Variants in DMD observed in about 807,000 individuals in gnomAD.
The protein encoded by DMD is dystrophin, also known as mutant dystrophin.
In DMD, 63 loss-of-function variants were observed where a neutral mutation model predicts 330.1. The ratio of observed to expected loss-of-function variants is 0.19; its 90% CI spans 0.16 to 0.24. The LOEUF is 0.24. Ranked by LOEUF, DMD falls within the 10% of genes least tolerant of loss-of-function variation. The pLI is 1.00. For synonymous variants in DMD, 1,223 were observed against 959.8 expected (o/e 1.27, Z -5.07); for missense variants, 3,344 against 2,684.1 (o/e 1.25, Z -5.43).
chrX:32,572,032 C>T (rs1021552009), intron 15 of DMD, among the ~76,000 whole-genome samples: 34 of 112,059 alleles, frequency 3.0e-4, no homozygotes, highest in African/African-American at 1.1e-3. Flanking sequence ...ACTACAAATA[C>T]AGCTGATATT....
chrX:33,194,111 T>C (rs192075948), intron 1 of DMD, among the ~76,000 whole-genome samples: 126 of 111,426 alleles, frequency 1.1e-3, no homozygotes, highest in African/African-American at 3.8e-3. Flanking sequence ...AAACCAATTA[T>C]ATGTATATTA....
In DMD at chrX:32,809,567, G is replaced by T; in HGVS notation, c.575C>A (p.Ala192Asp). 1 of 1,210,693 alleles carries T rather than the reference G, an allele frequency of 8.3e-7. No homozygotes were observed. ...GAATGCATGTTCCAGTCGTTGTGTG[G>T]CTGACTGCTGGCAAACCACACTATT... is the stretch of plus-strand genomic sequence containing the variant. ...DWNSVVCQQS[A>D]TQRLEHAFNI... The change falls in exon 7 of 79, where the codon GCC (alanine) becomes GAC (aspartate). Residue 192 changes from alanine (A) to aspartate (D), a missense_variant. Transcript: ENST00000357033.
intron 44 of DMD, among the ~76,000 whole-genome samples, chrX:32,198,756 G>A (rs143357428): frequency 0.021 from 2,356 of 111,758 alleles, 58 homozygotes; most frequent in African/African-American, 0.073. Flanking sequence ...TCACTGTGCT[G>A]ATAGGTGGTA....
chrX:32,141,583 G>T (rs2096753469), intron 44 of DMD, among the ~76,000 whole-genome samples: 1 of 110,917 alleles, frequency 9.0e-6, no homozygotes, highest in African/African-American at 3.3e-5. Flanking sequence ...TTTGCTCTCT[G>T]TGCCTCCTAA....
At chrX:32,736,157 A>G (rs1426744687) in intron 7 of DMD, among the ~76,000 whole-genome samples, 1 of 112,571 alleles carries the variant, frequency 8.9e-6, no homozygotes, top group Non-Finnish European at 1.9e-5. Context: ...CAAAAGACAC[A>G]TGAAAAAATG....
chrX:32,907,932 C>G (rs1243987039), intron 2 of DMD, among the ~76,000 whole-genome samples: 1 of 110,507 alleles, frequency 9.0e-6, no homozygotes, highest in Non-Finnish European at 1.9e-5. Flanking sequence ...CTGTTAAACA[C>G]AAAATCAGGT....
rs57052299 is a variant in DMD at position 32,657,011 on chromosome X, A to ATGTGTG, written c.961-11865_961-11860dup. Among the ~76,000 whole-genome samples, 518 of 100,778 alleles carry ATGTGTG rather than the reference A, an allele frequency of 5.1e-3. 2 individuals are homozygous for ATGTGTG. Among genetic ancestry groups the ATGTGTG allele is most frequent in the Non-Finnish European group, 8.7e-3 (433 of 49,961 alleles). 87.5% of individuals were successfully genotyped at this position (100,778 alleles called of 115,157 possible). A position where few individuals can be genotyped will look rare whatever the true frequency, so the allele number is the denominator to read the frequency against. ...ATACATATATAGTATACCAACTTAT[A>ATGTGTG]TGTGTGTGTGTGTGTGTGTGTGTGT... On this transcript the variant is annotated intron_variant, in intron 9 of 78. Transcript: ENST00000357033.
At chrX:32,513,931 C>T (rs1283072138) in intron 18 of DMD, among the ~76,000 whole-genome samples, 1 of 111,058 alleles carries the variant, frequency 9.0e-6, no homozygotes, top group Non-Finnish European at 1.9e-5. Context: ...ATAAGCCAAG[C>T]GAGGAAAGAA....
intron 47 of DMD, among the ~76,000 whole-genome samples, chrX:31,879,554 C>T (rs780703167): frequency 8.9e-5 from 10 of 112,157 alleles, no homozygotes; most frequent in African/African-American, 3.2e-4. Context: ...AGAAATTACA[C>T]TTTGCATATT....
intron 53 of DMD, among the ~76,000 whole-genome samples, chrX:31,673,361 C>T (rs996829842): frequency 8.0e-5 from 9 of 112,146 alleles, no homozygotes; most frequent in African/African-American, 2.9e-4. Flanking sequence ...CGCCTGTATC[C>T]CAGCACTTTG....
chrX:32,230,229 T>TTTTTGTTTTG (rs748462548), intron 43 of DMD, among the ~76,000 whole-genome samples: 61 of 111,680 alleles, frequency 5.5e-4, no homozygotes, highest in African/African-American at 1.9e-3. Flanking sequence ...AACATGGTTT[T>TTTTTGTTTTG]TTTTGTTTTG....
chrX:32,795,722 G>C (rs751090547), intron 7 of DMD, among the ~76,000 whole-genome samples: 3 of 111,961 alleles, frequency 2.7e-5, no homozygotes, highest in African/African-American at 9.7e-5. Context: ...TCAGACAAGA[G>C]ACTAATATCT....
intron 7 of DMD, among the ~76,000 whole-genome samples, chrX:32,721,571 T>C (rs1298356603): frequency 9.0e-6 from 1 of 111,120 alleles, no homozygotes; most frequent in Non-Finnish European, 1.9e-5. Flanking sequence ...CACTATGGAA[T>C]TGTGCAAGTT....
At chrX:31,508,135 A>G in intron 55 of DMD, 2 of 849,838 alleles carry the variant, frequency 2.4e-6, no homozygotes, top group Non-Finnish European at 1.7e-6. Context: ...AAGAGTTATG[A>G]TAAGAGGTTA....
In DMD at chrX:31,571,748, A is replaced by G. The variant is rs750908966; in HGVS notation, c.8217+55925T>C. ...TTTGTTGTGGGGGGCTGTCTTGTGCATTACAACATGTTGAGCAGCATCCCT... is the reference window on the plus strand; with the variant it reads ...TTTGTTGTGGGGGGCTGTCTTGTGCGTTACAACATGTTGAGCAGCATCCCT... On this transcript the variant is annotated intron_variant, in intron 55 of 78. Coordinates refer to ENST00000357033, the MANE Select transcript of DMD (RefSeq NM_004006.3). Among the ~76,000 whole-genome samples, 3 of 111,763 alleles carry G rather than the reference A, an allele frequency of 2.7e-5. No individual in the cohort carries two copies. The East Asian group carries it at 8.4e-4, about 31-fold the overall frequency.
chrX:33,339,154 C>T, intron 1 of DMD: 1 of 883,565 alleles, frequency 1.1e-6, no homozygotes, highest in South Asian at 2.0e-5. Flanking sequence ...TTGAAGAGCT[C>T]GGCAACAAAC....
chrX:32,395,946 AT>A (rs1319081856), intron 30 of DMD, among the ~76,000 whole-genome samples: 33 of 109,086 alleles, frequency 3.0e-4, no homozygotes, highest in East Asian at 5.7e-4. Flanking sequence ...TCTATTTATA[AT>A]TTTTTTTTTC....
At chrX:32,741,620 C>G (rs2069284225) in intron 7 of DMD, among the ~76,000 whole-genome samples, 1 of 111,292 alleles carries the variant, frequency 9.0e-6, no homozygotes, top group South Asian at 3.8e-4. Flanking sequence ...AAATGGACTT[C>G]AGAGAAGTCC....
At chrX:32,011,084 A>C (rs1231858187) in intron 44 of DMD, among the ~76,000 whole-genome samples, 1 of 112,411 alleles carries the variant, frequency 8.9e-6, no homozygotes, top group Non-Finnish European at 1.9e-5. Context: ...ACTAATCCAC[A>C]CAAGTAGTCG....
Sources: gnomAD v4.1 joint callset for allele counts (sites outside exome capture counted in the v4.1 genomes callset) on GRCh38, gnomAD v4.1.1 for gene constraint, MANE v1.5 for transcripts, NCBI Gene and HGNC (gene_info 2026-07-23, HGNC 2026-07-21) for gene names.